The following RORB variants were observed in gnomAD, a reference collection of about 807,000 sequenced individuals.
RORB encodes nuclear receptor ROR-beta.
In RORB, 6 loss-of-function variants were observed where a neutral mutation model predicts 59.1. The observed-to-expected ratio is 0.10, with a 90% CI of 0.06 to 0.20. RORB has a LOEUF of 0.20. Ranked by LOEUF, RORB falls within the 10% of genes least tolerant of loss-of-function variation. The probability of loss-of-function intolerance (pLI) is 1.00; values close to 1 mark genes in which losing one functional copy is unlikely to be tolerated. For missense variants in RORB, 320 were observed against 560.5 expected (o/e 0.57, Z 4.33); for synonymous variants, 215 against 204.5 (o/e 1.05, Z -0.44).
At chr9:74,502,320 C>G (rs1430062179) in intron 1 of RORB, among the ~76,000 whole-genome samples, 1 of 151,816 alleles carries the variant, frequency 6.6e-6, no homozygotes, top group African/African-American at 2.4e-5. Flanking sequence ...CTTTTTTCCC[C>G]CAAAAGTAGC....
intron 1 of RORB, among the ~76,000 whole-genome samples, chr9:74,576,966 C>A (rs1460127961): frequency 6.6e-6 from 1 of 152,042 alleles, no homozygotes; most frequent in Non-Finnish European, 1.5e-5. Flanking sequence ...CATGTCCAGG[C>A]AGTCTGGATG....
chr9:74,664,705 A>C (rs1440889783), intron 6 of RORB, among the ~76,000 whole-genome samples: 1 of 152,208 alleles, frequency 6.6e-6, no homozygotes, highest in Non-Finnish European at 1.5e-5. Flanking sequence ...ATGTACAGCA[A>C]AGGAAATAAA....
At chr9:74,590,879 C>A (rs530181235) in intron 1 of RORB, among the ~76,000 whole-genome samples, 62 of 152,300 alleles carry the variant, frequency 4.1e-4, no homozygotes, top group African/African-American at 1.3e-3. Flanking sequence ...TCACTGCAAC[C>A]TCTGCCTCCG....
At chr9:74,507,927 C>T (rs1406360113) in intron 1 of RORB, among the ~76,000 whole-genome samples, 2 of 151,992 alleles carry the variant, frequency 1.3e-5, no homozygotes, top group Admixed American at 6.6e-5. Flanking sequence ...AGGAAAAACA[C>T]ATCATATCGT....
intron 1 of RORB, among the ~76,000 whole-genome samples, chr9:74,629,970 G>T (rs921011607): frequency 4.6e-5 from 7 of 152,156 alleles, no homozygotes; most frequent in Admixed American, 4.6e-4. Flanking sequence ...AAGGCTTTTT[G>T]AGTCCCACTA....
intron 4 of RORB, among the ~76,000 whole-genome samples, chr9:74,648,396 G>A (rs1239628794): frequency 6.6e-6 from 1 of 152,168 alleles, no homozygotes; most frequent in Non-Finnish European, 1.5e-5. Context: ...AAGACAATTG[G>A]ATCAAATGAC....
At chr9:74,559,789 G>A (rs1014271112) in intron 1 of RORB, among the ~76,000 whole-genome samples, 2 of 152,074 alleles carry the variant, frequency 1.3e-5, no homozygotes, top group African/African-American at 2.4e-5. Context: ...TACAGTAGAT[G>A]TAATACTGTT....
chr9:74,544,831 G>A (rs1211906020), intron 1 of RORB, among the ~76,000 whole-genome samples: 1 of 152,194 alleles, frequency 6.6e-6, no homozygotes, highest in Non-Finnish European at 1.5e-5. Context: ...AAATGTCACA[G>A]TCAGGTTCCC....
At chr9:74,662,395 A>C in intron 5 of RORB, 79 bp from the exon 6 acceptor site, 1 of 1,432,240 alleles carries the variant, frequency 7.0e-7, no homozygotes, top group Non-Finnish European at 9.8e-7. Flanking sequence ...GATAAGCACC[A>C]GTAAGGCAAA....
At chr9:74,637,380 T>C (rs1823723969) in intron 3 of RORB, among the ~76,000 whole-genome samples, 1 of 152,226 alleles carries the variant, frequency 6.6e-6, no homozygotes, top group Non-Finnish European at 1.5e-5. Flanking sequence ...TTATTAGCTA[T>C]CGAATATATC....
intron 1 of RORB, among the ~76,000 whole-genome samples, chr9:74,592,340 T>A (rs935679271): frequency 2.6e-5 from 4 of 152,276 alleles, no homozygotes; most frequent in Admixed American, 2.6e-4. Flanking sequence ...TAAAAGTGAT[T>A]TTTACATACA....
At chr9:74,561,647 A>G (rs1397289261) in intron 1 of RORB, among the ~76,000 whole-genome samples, 1 of 152,222 alleles carries the variant, frequency 6.6e-6, no homozygotes, top group South Asian at 2.1e-4. Flanking sequence ...CAGAGAGTTC[A>G]CACACAGCCT....
At chr9:74,524,145 T>A (rs1238513078) in intron 1 of RORB, among the ~76,000 whole-genome samples, 1 of 151,430 alleles carries the variant, frequency 6.6e-6, no homozygotes, top group African/African-American at 2.4e-5. Flanking sequence ...TATAGTGGGA[T>A]ATGCCAGGGT....
rs137976468 is a variant in RORB, at chr9:74,641,462, TA to T, written c.236-951del. ...GATAGTTACTGTTTTGGTCACTTGC[TA>T]GGCATTGGATGCCCCAAATTGCTAT... On this transcript the variant is annotated intron_variant, in intron 3 of 9. Transcript: ENST00000376896. 5.2e-3 allele frequency among the ~76,000 whole-genome samples: 799 copies of T among 152,320 alleles called. 13 individuals carry two copies. Among genetic ancestry groups the T allele is most frequent in the African/African-American group, 0.018 (757 of 41,560 alleles).
rs1823749490 is a variant in RORB at position 74,638,996 on chromosome 9, CTTTG to C, written c.236-3415_236-3412del. Among the ~76,000 whole-genome samples the C allele has an allele frequency of 2.0e-5, 3 of 152,146 alleles. No individual in the cohort carries two copies. In the South Asian group the frequency reaches 6.2e-4, roughly 32 times the overall value. The stretch of plus-strand genomic sequence containing the variant: ...ATTTTGTAAAAAATGCAGAGCTTTT[CTTTG>C]TTGAGTTTTTAGATGTTACCCATGG... On this transcript the variant is annotated intron_variant, in intron 3 of 9. Transcript: ENST00000376896.
chr9:74,525,935 A>T (rs1340074822), intron 1 of RORB, among the ~76,000 whole-genome samples: 3 of 151,944 alleles, frequency 2.0e-5, no homozygotes, highest in Non-Finnish European at 4.4e-5. Context: ...TAGGGGAAAA[A>T]ATTGCAAAAT....
Position 74,517,987 on chromosome 9 carries a change from G to A in RORB, c.7+20004G>A, listed in dbSNP as rs543057551. On this transcript the variant is annotated intron_variant, in intron 1 of 9. Coordinates refer to ENST00000376896, the MANE Select transcript of RORB (RefSeq NM_006914.4). ...AGAAAATGAAGCACAGAGAGGTTAA[G>A]TCATTTGTCCAAAGTTACCCAGATA... is the stretch of plus-strand genomic sequence containing the variant. Among the ~76,000 whole-genome samples the A allele has an allele frequency of 7.9e-5, 12 of 152,120 alleles. No homozygotes were observed. The South Asian group carries it at 2.5e-3, about 31-fold the overall frequency.
chr9:74,686,613 A>T lies in RORB; in HGVS notation c.*995A>T, dbSNP rs563031546. The T allele has an allele frequency of 6.6e-6, 1 of 152,258 alleles. No individual in the cohort carries two copies. Among genetic ancestry groups the T allele is most frequent in the Non-Finnish European group, 1.5e-5 (1 of 68,026 alleles). 9.4% of individuals were successfully genotyped at this position (152,258 alleles called of 1,614,324 possible). On this transcript the variant is annotated 3_prime_UTR_variant, in exon 10 of 10. Transcript: ENST00000376896. The stretch of plus-strand genomic sequence containing the variant: ...TATTGTGTCTTCAACTGAAAAATAC[A>T]ATCTGTGGATTATGACTACCAGCAA...
At chr9:74,667,215 A>G (rs1205128095) in intron 7 of RORB, among the ~76,000 whole-genome samples, 1 of 152,242 alleles carries the variant, frequency 6.6e-6, no homozygotes, top group Non-Finnish European at 1.5e-5. Context: ...TGAGTCATTC[A>G]TTAGAAGGTA....
Sources: gnomAD v4.1 joint callset for allele counts (sites outside exome capture counted in the v4.1 genomes callset) on GRCh38, gnomAD v4.1.1 for gene constraint, MANE v1.5 for transcripts, NCBI Gene and HGNC (gene_info 2026-07-23, HGNC 2026-07-21) for gene names.